CTNNA3: variants seen among roughly 807,000 people sequenced by gnomAD.
CTNNA3 encodes catenin alpha-3.
A neutral mutation model predicts 95.7 loss-of-function variants in CTNNA3; 76 were observed. The ratio of observed to expected loss-of-function variants is 0.79; its 90% CI spans 0.66 to 0.96. The LOEUF (loss-of-function observed/expected upper bound fraction) is 0.96. Ranked by LOEUF, CTNNA3 falls within the 40% of genes least tolerant of loss-of-function variation. The pLI is 0.00. For missense variants in CTNNA3, 1,191 were observed against 1,089.8 expected, an observed-to-expected ratio of 1.09 and a Z score of -1.31; for synonymous variants, 431 against 374.4, an observed-to-expected ratio of 1.15 and a Z score of -1.74.
At chr10:67,369,129 A>G (rs1843322146) in intron 5 of CTNNA3, among the ~76,000 whole-genome samples, 1 of 152,194 alleles carries the variant, frequency 6.6e-6, no homozygotes, top group East Asian at 1.9e-4. Context: ...TACATATATT[A>G]AACCTCAATA....
intron 13 of CTNNA3, among the ~76,000 whole-genome samples, chr10:66,112,721 G>A (rs2082164831): frequency 6.6e-6 from 1 of 152,068 alleles, no homozygotes; most frequent in South Asian, 2.1e-4. Flanking sequence ...AAATCATGCA[G>A]TATTTGCCTT....
Position 67,408,094 on chromosome 10 carries a change from C to A in CTNNA3, c.579+113748G>T, listed in dbSNP as rs540720235. Among the ~76,000 whole-genome samples the A allele has an allele frequency of 9.2e-5, 14 of 152,236 alleles. No homozygotes were observed. The South Asian group carries it at 2.3e-3, about 25-fold the overall frequency. On this transcript the variant is annotated intron_variant, in intron 5 of 17. Transcript: ENST00000433211. Reference sequence around the variant, plus strand: ...CACTGTTCAAAGAAATCAGAGATGACACAAACAAATGGAAAATCATTCCAT... The same window carrying A: ...CACTGTTCAAAGAAATCAGAGATGAAACAAACAAATGGAAAATCATTCCAT...
At chr10:66,693,426 A>G (rs901877464) in intron 9 of CTNNA3, among the ~76,000 whole-genome samples, 4 of 149,672 alleles carry the variant, frequency 2.7e-5, no homozygotes, top group Non-Finnish European at 1.5e-5. Flanking sequence ...CTAAATATAT[A>G]TGCACCCAAT....
intron 7 of CTNNA3, among the ~76,000 whole-genome samples, chr10:66,841,818 T>C (rs1843074299): frequency 6.6e-6 from 1 of 152,168 alleles, no homozygotes; most frequent in African/African-American, 2.4e-5. Context: ...ATTAAGCACT[T>C]ACACAAACAA....
At chr10:67,284,717 C>A (rs1904616) in intron 5 of CTNNA3, among the ~76,000 whole-genome samples, 125,278 of 152,190 alleles carry the variant, frequency 0.82, 52,164 homozygotes, top group African/African-American at 0.95. Context: ...AACTACAAAA[C>A]CCTCATTCCA....
chr10:66,801,227 A>G (rs1030250835), intron 7 of CTNNA3, among the ~76,000 whole-genome samples: 2 of 151,414 alleles, frequency 1.3e-5, no homozygotes, highest in African/African-American at 4.8e-5. Context: ...CAGACAACAA[A>G]ATAAAATCAC....
rs149567668 is a variant in CTNNA3 at position 66,928,194 on chromosome 10, G to T, written c.1048-152670C>A. 1,097 of 1,614,088 alleles carry T rather than the reference G, an allele frequency of 6.8e-4. No individual in the cohort carries two copies. Among genetic ancestry groups the T allele is most frequent in the Non-Finnish European group, 8.5e-4 (1,000 of 1,180,042 alleles). ...ATAAAATCATCGCGGGCAGCGTGGC[G>T]CTTTTCCTGTCCGTGCTCGTCATCC... On this transcript the variant is annotated intron_variant, in intron 7 of 17. Transcript: ENST00000433211.
intron 9 of CTNNA3, among the ~76,000 whole-genome samples, chr10:66,757,925 T>A (rs1589222031): frequency 6.6e-6 from 1 of 152,166 alleles, no homozygotes; most frequent in East Asian, 1.9e-4. Flanking sequence ...ATAGTATTTA[T>A]CTCCATCATT....
intron 5 of CTNNA3, among the ~76,000 whole-genome samples, chr10:67,332,671 ATATC>A (rs67323567): frequency 0.72 from 109,254 of 151,584 alleles, 43,179 homozygotes; most frequent in Non-Finnish European, 0.88. Context: ...CTGTTAGCCT[ATATC>A]TATCTCTTTT....
chr10:65,964,110 T>C (rs1371995979), intron 17 of CTNNA3, among the ~76,000 whole-genome samples: 1 of 152,196 alleles, frequency 6.6e-6, no homozygotes, highest in Non-Finnish European at 1.5e-5. Context: ...TCTCTCTGCT[T>C]TGGAATCATG....
At chr10:67,734,410 C>A (rs1305744616) in intron 1 of CTNNA3, among the ~76,000 whole-genome samples, 2 of 151,948 alleles carry the variant, frequency 1.3e-5, no homozygotes, top group African/African-American at 4.8e-5. Context: ...GGCAAGGCTC[C>A]AGTAGGGTGA....
rs376385607 is a variant in CTNNA3, at chr10:67,044,628, T to C, written c.1047+135689A>G. ...GTCTTATTCTGATTGACACAGCTCA[T>C]GTTATATTAAGTTTGTGAAATGAAT... is the stretch of plus-strand genomic sequence containing the variant. On this transcript the variant is annotated intron_variant, in intron 7 of 17. Coordinates refer to ENST00000433211, the MANE Select transcript of CTNNA3 (RefSeq NM_013266.4). 5.9e-5 allele frequency among the ~76,000 whole-genome samples: 9 copies of C among 152,352 alleles called. No homozygotes were observed. The East Asian group carries it at 1.4e-3, about 23-fold the overall frequency.
At position 67,245,369 on chromosome 10, in the gene CTNNA3, T is replaced by G. The variant is rs77098095; in HGVS notation, c.580-25499A>C. On this transcript the variant is annotated intron_variant, in intron 5 of 17. Transcript: ENST00000433211. The stretch of plus-strand genomic sequence containing the variant: ...TTTTCTCTGTACTATTTGTCACTAA[T>G]ATATACTACATTTATTTATCATGTT... 0.016 allele frequency among the ~76,000 whole-genome samples: 2,364 copies of G among 152,328 alleles called. 193 individuals are homozygous for G. In the East Asian group the frequency reaches 0.26, roughly 16 times the overall value.
In CTNNA3 at chr10:67,296,934, C is replaced by CAAAAAAAAAAAAAA. The variant is rs1210482029; in HGVS notation, c.580-77078_580-77065dup. 6.8e-3 allele frequency among the ~76,000 whole-genome samples: 120 copies of CAAAAAAAAAAAAAA among 17,660 alleles called. 18 individuals carry two copies. Among genetic ancestry groups the CAAAAAAAAAAAAAA allele is most frequent in the Middle Eastern group, 0.025 (1 of 40 alleles). The allele number at this position is 17,660 out of a possible 152,430, so 11.6% of individuals were successfully genotyped here. A position where few individuals can be genotyped will look rare whatever the true frequency, so the allele number is the denominator to read the frequency against. On this transcript the variant is annotated intron_variant, in intron 5 of 17. Coordinates refer to ENST00000433211, the MANE Select transcript of CTNNA3 (RefSeq NM_013266.4). ...GGGCAACAAGAATGAAACGCTGTCT[C>CAAAAAAAAAAAAAA]AAAAAAAAAAAAAAAAAAAAAAAAA...
intron 11 of CTNNA3, among the ~76,000 whole-genome samples, chr10:66,445,705 C>T (rs575534250): frequency 6.6e-6 from 1 of 151,510 alleles, no homozygotes; most frequent in South Asian, 2.1e-4. Flanking sequence ...GCACTAAATG[C>T]CCACAAAAGA....
chr10:66,561,318 A>T (rs74721795), intron 10 of CTNNA3, among the ~76,000 whole-genome samples: 7,581 of 152,166 alleles, frequency 0.05, 243 homozygotes, highest in African/African-American at 0.075. Context: ...CATACTGGAA[A>T]AACTGTATTT....
chr10:66,492,032 A>G (rs191167685), intron 11 of CTNNA3, among the ~76,000 whole-genome samples: 1 of 152,082 alleles, frequency 6.6e-6, no homozygotes, highest in Admixed American at 6.5e-5. Context: ...TGAACACTTC[A>G]GTGGTTCCCT....
intron 5 of CTNNA3, among the ~76,000 whole-genome samples, chr10:67,228,504 T>C (rs541321811): frequency 6.6e-6 from 1 of 152,114 alleles, no homozygotes; most frequent in South Asian, 2.1e-4. Flanking sequence ...TCCCAGCTAC[T>C]TGGGAGGCTG....
intron 11 of CTNNA3, among the ~76,000 whole-genome samples, chr10:66,466,003 G>A (rs1218474426): frequency 6.6e-6 from 1 of 152,030 alleles, no homozygotes; most frequent in East Asian, 1.9e-4. Context: ...AAACATGTCT[G>A]GATGTTGCTG....
Sources: allele counts gnomAD v4.1 joint callset (sites outside exome capture counted in the v4.1 genomes callset), GRCh38; gene constraint gnomAD v4.1.1; transcripts MANE v1.5; gene names NCBI Gene and HGNC (gene_info 2026-07-23, HGNC 2026-07-21).